Variants in GSTT4 observed in about 807,000 individuals in gnomAD.
The protein encoded by GSTT4 is glutathione S-transferase theta 4.
the GSTT4 span, among the ~76,000 whole-genome samples, chr22:23,993,001 T>TCAGGGA: frequency 1.6e-5 from 2 of 128,358 alleles, no homozygotes; most frequent in African/African-American, 2.9e-5. Flanking sequence ...TTGAATTCCT[T>TCAGGGA]GGCTCAAGTG....
intron 1 of GSTT4, chr22:24,004,168 G>A (rs1425032848): frequency 6.5e-6 from 1 of 153,342 alleles, no homozygotes; most frequent in Admixed American, 6.5e-5. Context: ...TGAAAACACA[G>A]CCTTTGAATC....
chr22:24,000,529 C>A (rs1361142368), intron 3 of GSTT4, among the ~76,000 whole-genome samples: 1 of 131,056 alleles, frequency 7.6e-6, no homozygotes, highest in Non-Finnish European at 1.5e-5. Flanking sequence ...GGTTATTTGT[C>A]ATCTTCTAAT....
At chr22:23,999,120 T>A (rs567650086) in intron 4 of GSTT4, among the ~76,000 whole-genome samples, 2 of 152,164 alleles carry the variant, frequency 1.3e-5, no homozygotes, top group Non-Finnish European at 2.9e-5. Flanking sequence ...CCTCCATGTT[T>A]AGCCTCCCAC....
intron 4 of GSTT4, 61 bp from the exon 5 acceptor site, chr22:23,998,800 T>G (rs550683865): frequency 0.015 from 2,303 of 154,386 alleles, no homozygotes; most frequent in African/African-American, 0.053. Flanking sequence ...CTGGGTCCTC[T>G]CCCACAGCCT....
the GSTT4 span, among the ~76,000 whole-genome samples, chr22:23,992,544 G>A: frequency 1.3e-5 from 2 of 151,124 alleles, no homozygotes; most frequent in African/African-American, 2.4e-5. Flanking sequence ...GGCCTACAAC[G>A]CAGAAGGGCC....
chr22:23,999,307 C>A (rs2034175528), intron 4 of GSTT4, among the ~76,000 whole-genome samples: 1 of 151,700 alleles, frequency 6.6e-6, no homozygotes, highest in South Asian at 2.1e-4. Flanking sequence ...TTGGGGCAGG[C>A]CAGAATGATT....
the GSTT4 span, among the ~76,000 whole-genome samples, chr22:23,992,073 A>C: frequency 7.1e-6 from 1 of 140,828 alleles, no homozygotes; most frequent in African/African-American, 2.6e-5. Context: ...AAAAAAAAAA[A>C]GGAAGAGGAG....
downstream of GSTT4, among the ~76,000 whole-genome samples, chr22:23,997,942 T>C (rs1290783403): frequency 6.6e-6 from 1 of 152,244 alleles, no homozygotes; most frequent in Non-Finnish European, 1.5e-5. Context: ...TTTAAGAGTG[T>C]GCTGTTTAAT....
chr22:24,002,105 A>C (rs1394356887), intron 2 of GSTT4, among the ~76,000 whole-genome samples: 5 of 152,256 alleles, frequency 3.3e-5, no homozygotes, highest in Admixed American at 3.3e-4. Context: ...GTGATTGGGG[A>C]GTGATGAGGC....
chr22:23,993,898 A>G (rs1355359460), downstream of GSTT4, among the ~76,000 whole-genome samples: 1 of 151,670 alleles, frequency 6.6e-6, no homozygotes, highest in South Asian at 2.1e-4. Context: ...TCAGGCCCCC[A>G]GGATACACGT....
At chr22:23,997,905 G>A (rs6004016), downstream of GSTT4, among the ~76,000 whole-genome samples, 35,207 of 151,602 alleles carry the variant, frequency 0.23, 3,780 homozygotes, top group African/African-American at 0.42. Flanking sequence ...GATGTCCCTT[G>A]TGATTTCTTC....
rs1480113289 is a variant in GSTT4, at chr22:23,998,673, C to A, written c.595G>T (p.Glu199Ter). 6.4e-6 allele frequency: 1 copy of A among 155,126 alleles called. No individual in the cohort carries two copies. Among genetic ancestry groups the A allele is most frequent in the East Asian group, 1.9e-4 (1 of 5,192 alleles). The allele number at this position is 155,126 out of a possible 1,614,324, so 9.6% of individuals were successfully genotyped here. A position where few individuals can be genotyped will look rare whatever the true frequency, so the allele number is the denominator to read the frequency against. Residue 199 changes from glutamate to a stop codon, truncating the protein, a stop_gained, in exon 5 of 5, where the codon GAG becomes TAG. Coordinates refer to ENST00000621179, the MANE Select transcript of GSTT4 (RefSeq NM_001358664.2). LOFTEE classifies it low-confidence loss of function (END_TRUNC). ...AAGAGGCCAGAGCCAATATTCAGCT[C>A]CACCTGCATACGCCACTCAGCTAGC... The part of the protein sequence containing the change: ...SKLAEWRMQV[E>*]LNIGSGLFRE...
At chr22:24,001,902 A>C (rs963780846) in intron 2 of GSTT4, among the ~76,000 whole-genome samples, 311 of 152,300 alleles carry the variant, frequency 2.0e-3, no homozygotes, top group African/African-American at 7.3e-3. Context: ...GAGGCACGGG[A>C]GTCACTTGAA....
downstream of GSTT4, among the ~76,000 whole-genome samples, chr22:23,997,949 T>C (rs548325921): frequency 6.6e-6 from 1 of 152,358 alleles, no homozygotes; most frequent in East Asian, 1.9e-4. Flanking sequence ...GTGTGCTGTT[T>C]AATTTCTATG....
intron 2 of GSTT4, 145 bp from the exon 3 acceptor site, chr22:24,001,470 C>CTGTCT (rs1485434613): frequency 6.5e-6 from 1 of 153,384 alleles, no homozygotes; most frequent in African/African-American, 2.4e-5. Flanking sequence ...TTCACCAGAG[C>CTGTCT]TGTCTGTCTG....
chr22:23,991,669 G>A, the GSTT4 span, among the ~76,000 whole-genome samples: 2 of 126,570 alleles, frequency 1.6e-5, no homozygotes, highest in African/African-American at 5.5e-5. Context: ...CTCATCCCTT[G>A]GCTCCTAGAA....
downstream of GSTT4, among the ~76,000 whole-genome samples, chr22:23,996,743 G>T (rs547359795): frequency 4.6e-5 from 7 of 152,196 alleles, no homozygotes; most frequent in Non-Finnish European, 7.3e-5. Context: ...CTAATATTTT[G>T]CTGAGGATTT....
chr22:23,993,170 A>G, the GSTT4 span, among the ~76,000 whole-genome samples: 1 of 152,288 alleles, frequency 6.6e-6, no homozygotes, highest in African/African-American at 2.4e-5. Flanking sequence ...CATTGAAGAC[A>G]TATGTGGCCT....
At chr22:23,998,175 T>C (rs1366004282), downstream of GSTT4, among the ~76,000 whole-genome samples, 2 of 145,276 alleles carry the variant, frequency 1.4e-5, no homozygotes, top group Non-Finnish European at 2.9e-5. Context: ...GTGTATGCGA[T>C]TGGTTAATCG....
Sources: gnomAD v4.1 joint callset for allele counts (sites outside exome capture counted in the v4.1 genomes callset) on GRCh38, gnomAD v4.1.1 for gene constraint, MANE v1.5 for transcripts, NCBI Gene and HGNC (gene_info 2026-07-23, HGNC 2026-07-21) for gene names.